SLC8A1: variants seen among roughly 807,000 people sequenced by gnomAD.
The protein encoded by SLC8A1 is solute carrier family 8 member A1, also known as sodium/calcium exchanger 1.
In SLC8A1, 18 loss-of-function variants were observed where a neutral mutation model predicts 68.3. That is an observed-to-expected ratio of 0.26 (90% CI 0.18 to 0.39). The LOEUF (loss-of-function observed/expected upper bound fraction) is 0.39. Ranked by LOEUF, SLC8A1 falls within the 10% of genes least tolerant of loss-of-function variation. SLC8A1 has a pLI of 1.00. For missense variants in SLC8A1, 985 were observed against 1,156.7 expected, an observed-to-expected ratio of 0.85 and a Z score of 2.15; for synonymous variants, 475 against 415.5, an observed-to-expected ratio of 1.14 and a Z score of -1.74.
At chr2:40,462,541 G>A (rs1703411479) in intron 1 of SLC8A1, among the ~76,000 whole-genome samples, 1 of 151,624 alleles carries the variant, frequency 6.6e-6, no homozygotes, top group African/African-American at 2.4e-5. Flanking sequence ...GGGCATGGTG[G>A]TTCATGCCTG....
intron 6 of SLC8A1, among the ~76,000 whole-genome samples, chr2:40,143,099 C>T (rs1292147372): frequency 6.6e-6 from 1 of 152,106 alleles, no homozygotes; most frequent in Non-Finnish European, 1.5e-5. Context: ...AGGAAAGTGG[C>T]CTCCCATCCT....
chr2:40,361,567 C>T (rs1674644449), intron 2 of SLC8A1, among the ~76,000 whole-genome samples: 2 of 152,020 alleles, frequency 1.3e-5, no homozygotes, highest in African/African-American at 2.4e-5. Flanking sequence ...TCTGGTGCCC[C>T]ATCAAGACAA....
intron 7 of SLC8A1, among the ~76,000 whole-genome samples, chr2:40,122,039 C>T (rs2036954492): frequency 6.6e-6 from 1 of 152,054 alleles, no homozygotes; most frequent in South Asian, 2.1e-4. Context: ...TCTATACCCT[C>T]ATCTGTCTTG....
intron 2 of SLC8A1, among the ~76,000 whole-genome samples, chr2:40,264,378 C>A (rs1232899568): frequency 1.3e-5 from 2 of 152,048 alleles, no homozygotes; most frequent in Admixed American, 1.3e-4. Context: ...ATAAATCATG[C>A]TGCTATAAAG....
rs553640168 is a variant in SLC8A1, at chr2:40,175,771, G to A, written c.1913-929C>T. On this transcript the variant is annotated intron_variant, in intron 3 of 7. Transcript: ENST00000406785. Reference sequence around the variant, plus strand: ...CACCTTTTATTCAGTAAGTACAGGTGAAACATCCTGGGACATTCCATTTTG... The same window carrying A: ...CACCTTTTATTCAGTAAGTACAGGTAAAACATCCTGGGACATTCCATTTTG... Among the ~76,000 whole-genome samples, 4 of 152,212 alleles carry A rather than the reference G, an allele frequency of 2.6e-5. No individual in the cohort carries two copies. In the South Asian group the frequency reaches 8.3e-4, roughly 32 times the overall value.
At chr2:40,421,583 G>A (rs1300339192) in intron 2 of SLC8A1, among the ~76,000 whole-genome samples, 1 of 152,114 alleles carries the variant, frequency 6.6e-6, no homozygotes, top group Non-Finnish European at 1.5e-5. Flanking sequence ...GCAACACCTG[G>A]TTGCCCTGTT....
chr2:40,159,195 C>A (rs1041555359), intron 6 of SLC8A1, among the ~76,000 whole-genome samples: 1 of 152,200 alleles, frequency 6.6e-6, no homozygotes, highest in African/African-American at 2.4e-5. Flanking sequence ...TCCTCTATGA[C>A]AAACTTATCA....
intron 2 of SLC8A1, among the ~76,000 whole-genome samples, chr2:40,345,949 C>T (rs1392890666): frequency 6.9e-6 from 1 of 145,676 alleles, no homozygotes; most frequent in African/African-American, 2.5e-5. Context: ...CACCATGGCA[C>T]ATGTATACCT....
intron 2 of SLC8A1, among the ~76,000 whole-genome samples, chr2:40,279,104 G>T (rs1402107160): frequency 2.0e-5 from 3 of 152,160 alleles, no homozygotes; most frequent in African/African-American, 7.2e-5. Flanking sequence ...AAGACATTTT[G>T]AAATGTGTGG....
intron 1 of SLC8A1, among the ~76,000 whole-genome samples, chr2:40,437,593 G>A (rs1464669014): frequency 1.3e-5 from 2 of 152,052 alleles, no homozygotes; most frequent in African/African-American, 4.8e-5. Flanking sequence ...GATAATGAAC[G>A]GGAGCCAGGG....
At chr2:40,279,189 C>T (rs1376794415) in intron 2 of SLC8A1, among the ~76,000 whole-genome samples, 1 of 152,222 alleles carries the variant, frequency 6.6e-6, no homozygotes, top group Non-Finnish European at 1.5e-5. Flanking sequence ...AGGAGCCGAT[C>T]TGATCCTCCT....
intron 6 of SLC8A1, among the ~76,000 whole-genome samples, chr2:40,155,161 G>A (rs1186234895): frequency 5.9e-5 from 9 of 151,714 alleles, no homozygotes; most frequent in Non-Finnish European, 1.0e-4. Context: ...ATGGAGTCTC[G>A]CTCTGTCACC....
intron 2 of SLC8A1, among the ~76,000 whole-genome samples, chr2:40,323,987 G>A (rs1351733691): frequency 6.6e-6 from 1 of 151,068 alleles, no homozygotes; most frequent in Admixed American, 6.6e-5. Flanking sequence ...GAGTTACTAT[G>A]CCATTTATAT....
intron 2 of SLC8A1, among the ~76,000 whole-genome samples, chr2:40,349,409 T>G (rs1670356930): frequency 6.6e-6 from 1 of 152,190 alleles, no homozygotes; most frequent in African/African-American, 2.4e-5. Flanking sequence ...TTCAAAAAAA[T>G]ACTTCTGAGG....
At chr2:40,207,298 A>G (rs2055635782) in intron 2 of SLC8A1, among the ~76,000 whole-genome samples, 1 of 152,018 alleles carries the variant, frequency 6.6e-6, no homozygotes, top group Non-Finnish European at 1.5e-5. Context: ...AGCTGGCCAG[A>G]CACCTTCCCA....
chr2:40,249,995 C>T (rs1000621540), intron 2 of SLC8A1, among the ~76,000 whole-genome samples: 2 of 152,144 alleles, frequency 1.3e-5, no homozygotes. Flanking sequence ...ATACTCAAAA[C>T]CTTCCGGGTG....
chr2:40,279,142 GC>G (rs201375568), intron 2 of SLC8A1, among the ~76,000 whole-genome samples: 1,946 of 152,294 alleles, frequency 0.013, 46 homozygotes, highest in African/African-American at 0.044. Flanking sequence ...GTAGTTTACA[GC>G]TGTTGTCTCT....
chr2:40,452,277 G>A (rs6758149), upstream of SLC8A1, among the ~76,000 whole-genome samples: 24,549 of 151,312 alleles, frequency 0.16, 2,094 homozygotes, highest in Middle Eastern at 0.24. Flanking sequence ...GGCCCCCTGC[G>A]CGCCCCTTGG....
chr2:40,280,112 T>G (rs1369126641), intron 2 of SLC8A1, among the ~76,000 whole-genome samples: 1 of 152,132 alleles, frequency 6.6e-6, no homozygotes, highest in African/African-American at 2.4e-5. Context: ...TAGATAGATT[T>G]CTGCTTTTAA....
Sources: gnomAD v4.1 joint callset for allele counts (sites outside exome capture counted in the v4.1 genomes callset) on GRCh38, gnomAD v4.1.1 for gene constraint, MANE v1.5 for transcripts, NCBI Gene and HGNC (gene_info 2026-07-23, HGNC 2026-07-21) for gene names.